Variants in P2RY12 observed in about 807,000 individuals in gnomAD.
The protein encoded by P2RY12 is P2Y purinoceptor 12.
In P2RY12, 3 loss-of-function variants were observed where a neutral mutation model predicts 4.5. That is an observed-to-expected ratio of 0.67 (90% CI 0.31 to 1.74). The LOEUF (loss-of-function observed/expected upper bound fraction) is 1.74. Among genes scored for constraint, P2RY12 ranks in the 40% most tolerant of loss-of-function variants. The probability of loss-of-function intolerance (pLI) is 0.09; values close to 1 mark genes in which losing one functional copy is unlikely to be tolerated. For missense variants in P2RY12, 356 were observed against 407.8 expected (o/e 0.87, Z 1.09); for synonymous variants, 148 against 154.1 (o/e 0.96, Z 0.29).
intron 1 of P2RY12, among the ~76,000 whole-genome samples, chr3:151,367,252 C>T (rs1182233625): frequency 6.6e-6 from 1 of 152,148 alleles, no homozygotes; most frequent in Admixed American, 6.6e-5. Flanking sequence ...TGTTTTTCAA[C>T]TAGGGGGAGC....
chr3:151,371,370 C>T (rs1242199278), intron 1 of P2RY12, among the ~76,000 whole-genome samples: 1 of 152,160 alleles, frequency 6.6e-6, no homozygotes, highest in Non-Finnish European at 1.5e-5. Flanking sequence ...TTGGTACTTG[C>T]AGAATTTAGT....
chr3:151,352,841 T>A (rs1221655469), intron 1 of P2RY12, among the ~76,000 whole-genome samples: 1 of 152,078 alleles, frequency 6.6e-6, no homozygotes, highest in East Asian at 1.9e-4. Context: ...GGCTAAAGTT[T>A]CAGGACTTAA....
intron 1 of P2RY12, among the ~76,000 whole-genome samples, chr3:151,381,997 CT>C (rs1009907958): frequency 6.6e-6 from 1 of 151,448 alleles, no homozygotes; most frequent in Non-Finnish European, 1.5e-5. Context: ...TTGAATTGCA[CT>C]TTTTTTTTGC....
Position 151,370,769 on chromosome 3 carries a change from A to T in P2RY12, c.-180+13923T>A, listed in dbSNP as rs576354290. Among the ~76,000 whole-genome samples the T allele has an allele frequency of 1.6e-4, 24 of 152,340 alleles. No homozygotes were observed. The South Asian group carries it at 2.9e-3, about 18-fold the overall frequency. On this transcript the variant is annotated intron_variant, in intron 1 of 2. Coordinates refer to ENST00000302632, the MANE Select transcript of P2RY12 (RefSeq NM_022788.5). ...TGCTCATCAGAGAAGCTAGCAAAGA[A>T]TCAGTTTTCAATAAAATTATGTTGG...
intron 1 of P2RY12, chr3:151,379,970 G>T (rs1046252989): frequency 7.3e-6 from 4 of 551,310 alleles, no homozygotes; most frequent in African/African-American, 3.9e-5. Context: ...ATAAGTAGAG[G>T]TATGATTTAA....
intron 1 of P2RY12, among the ~76,000 whole-genome samples, chr3:151,369,850 T>C (rs1755967837): frequency 1.3e-5 from 2 of 152,272 alleles, no homozygotes; most frequent in African/African-American, 2.4e-5. Flanking sequence ...TTGCCTTCTC[T>C]GGTGGCAGAA....
At chr3:151,377,681 A>T (rs1260897331) in intron 1 of P2RY12, among the ~76,000 whole-genome samples, 1 of 152,216 alleles carries the variant, frequency 6.6e-6, no homozygotes, top group Non-Finnish European at 1.5e-5. Context: ...ATAATATTTC[A>T]TATTGTAACT....
At chr3:151,379,297 A>G (rs1711799320) in intron 1 of P2RY12, among the ~76,000 whole-genome samples, 1 of 152,208 alleles carries the variant, frequency 6.6e-6, no homozygotes, top group Admixed American at 6.5e-5. Flanking sequence ...CTCTTCCCAC[A>G]TCAGGGGCTC....
chr3:151,354,119 C>T (rs145069935), intron 1 of P2RY12, among the ~76,000 whole-genome samples: 3 of 111,722 alleles, frequency 2.7e-5, no homozygotes, highest in Non-Finnish European at 5.0e-5. Context: ...CCAGCCTGGG[C>T]GACAGAGCGA....
chr3:151,337,974 G>T lies in P2RY12; in HGVS notation c.872C>A (p.Ala291Glu). The change falls in exon 3 of 3, where the codon GCA (alanine) becomes GAA (glutamate). Residue 291 changes from alanine (A) to glutamate (E), a missense_variant. Physicochemically the swap from Ala to Glu is moderately radical, Grantham distance 107. Coordinates refer to ENST00000302632, the MANE Select transcript of P2RY12 (RefSeq NM_022788.5). ...AAAATAGATGAACGGATCCAGGCAT[G>T]CATTTAAGGAAGTTAACCACAGAGT... ...ESTLWLTSLN[A>E]CLDPFIYFFL... The T allele has an allele frequency of 1.2e-6, 2 of 1,614,114 alleles. No homozygotes were observed. The highest frequency in any genetic ancestry group is 1.7e-6 in the Non-Finnish European group (2 of 1,179,994).
At chr3:151,339,508 A>G (rs1751517790) in intron 2 of P2RY12, among the ~76,000 whole-genome samples, 1 of 151,864 alleles carries the variant, frequency 6.6e-6, no homozygotes, top group Admixed American at 6.6e-5. Flanking sequence ...TCATTCAAAG[A>G]TTGGCCTCAC....
At chr3:151,361,667 C>G (rs1252125981) in intron 1 of P2RY12, among the ~76,000 whole-genome samples, 1 of 152,034 alleles carries the variant, frequency 6.6e-6, no homozygotes, top group African/African-American at 2.4e-5. Context: ...TTATTTTTGG[C>G]TGTAGCTATA....
At chr3:151,379,182 G>A (rs1476627517) in intron 1 of P2RY12, among the ~76,000 whole-genome samples, 3 of 152,216 alleles carry the variant, frequency 2.0e-5, no homozygotes, top group Admixed American at 6.5e-5. Context: ...CAACAAGGAA[G>A]CATAATTCTA....
chr3:151,369,676 GA>G, intron 1 of P2RY12: 1 of 588,204 alleles, frequency 1.7e-6, no homozygotes, highest in East Asian at 3.0e-5. Flanking sequence ...TATTCTCCTG[GA>G]AAAATTAGTG....
intron 1 of P2RY12, chr3:151,355,920 A>G: frequency 6.2e-7 from 1 of 1,613,934 alleles, no homozygotes; most frequent in Non-Finnish European, 8.5e-7. Context: ...GCTAGAACAA[A>G]TCACAAGCTT....
intron 1 of P2RY12, among the ~76,000 whole-genome samples, chr3:151,364,734 AAC>A (rs1436930025): frequency 6.6e-6 from 1 of 152,194 alleles, no homozygotes; most frequent in African/African-American, 2.4e-5. Context: ...TAAGATTTAT[AAC>A]CAAATACTTC....
intron 1 of P2RY12, chr3:151,355,760 A>G (rs1753840864): frequency 1.4e-5 from 9 of 658,124 alleles, no homozygotes; most frequent in South Asian, 1.1e-4. Context: ...TATAGTTTCT[A>G]TAGAAACACG....
chr3:151,349,192 T>C (rs1470078658), intron 1 of P2RY12, among the ~76,000 whole-genome samples: 1 of 152,210 alleles, frequency 6.6e-6, no homozygotes. Context: ...GGCTGAGGAA[T>C]GTGTTCAGTG....
intron 1 of P2RY12, chr3:151,365,055 G>C (rs1392605741): frequency 6.2e-7 from 1 of 1,614,068 alleles, no homozygotes. Flanking sequence ...ATGGGATCCA[G>C]ACTTCATGAT....
Sources: allele counts gnomAD v4.1 joint callset (sites outside exome capture counted in the v4.1 genomes callset), GRCh38; gene constraint gnomAD v4.1.1; transcripts MANE v1.5; gene names NCBI Gene and HGNC (gene_info 2026-07-23, HGNC 2026-07-21).